Variants in GPC5 observed in about 807,000 individuals in gnomAD.
The protein encoded by GPC5 is glypican-5.
Under a neutral mutation model 53.9 loss-of-function variants are expected in GPC5, and 47 were observed. That is an observed-to-expected ratio of 0.87 (90% CI 0.69 to 1.11). GPC5 has a LOEUF of 1.11. GPC5 is among the 50% of genes most tolerant of loss of function. The pLI, the probability that GPC5 is intolerant of heterozygous loss-of-function variation, is 0.00. For missense variants in GPC5, 748 were observed against 713.1 expected (o/e 1.05, Z -0.56); for synonymous variants, 286 against 263.3 (o/e 1.09, Z -0.84).
chr13:91,401,520 A>T (rs1253252392), intron 1 of GPC5, among the ~76,000 whole-genome samples: 1 of 152,168 alleles, frequency 6.6e-6, no homozygotes, highest in Non-Finnish European at 1.5e-5. Context: ...TAACAAATCT[A>T]TTCATTTAGC....
chr13:92,550,675 T>C (rs1364612932), intron 7 of GPC5, among the ~76,000 whole-genome samples: 1 of 151,894 alleles, frequency 6.6e-6, no homozygotes, highest in African/African-American at 2.4e-5. Context: ...TTGTCAAAAC[T>C]CAGTAAAGGT....
chr13:92,792,052 G>A lies in GPC5; in HGVS notation c.1562-74230G>A, dbSNP rs181112749. ...AGGGCTAGTGATAAGGATGAAGAGT[G>A]ATAAAGAGAAGAATGGGATACTCCT... On this transcript the variant is annotated intron_variant, in intron 7 of 7. Coordinates refer to ENST00000377067, the MANE Select transcript of GPC5 (RefSeq NM_004466.6). Among the ~76,000 whole-genome samples the A allele has an allele frequency of 6.8e-4, 104 of 152,028 alleles. 1 individual carries two copies. The highest frequency in any genetic ancestry group is 2.1e-4 in the Non-Finnish European group (14 of 67,924).
chr13:92,415,819 T>C (rs1876263649), intron 7 of GPC5, among the ~76,000 whole-genome samples: 1 of 152,186 alleles, frequency 6.6e-6, no homozygotes, highest in African/African-American at 2.4e-5. Context: ...TGAACCAATT[T>C]TGAATGCTGA....
At chr13:92,498,562 T>C (rs893199247) in intron 7 of GPC5, among the ~76,000 whole-genome samples, 2 of 152,100 alleles carry the variant, frequency 1.3e-5, no homozygotes, top group Non-Finnish European at 2.9e-5. Context: ...GACCAATTAT[T>C]ATTTTAGAGG....
chr13:92,143,530 AAAG>A, intron 6 of GPC5, among the ~76,000 whole-genome samples: 1 of 152,296 alleles, frequency 6.6e-6, no homozygotes, highest in Non-Finnish European at 1.5e-5. Flanking sequence ...CTTGATCTTG[AAAG>A]AAGACTTCTT....
chr13:91,967,333 A>G (rs1009084521), intron 6 of GPC5, among the ~76,000 whole-genome samples: 13 of 152,306 alleles, frequency 8.5e-5, no homozygotes, highest in African/African-American at 3.1e-4. Context: ...TTGGGTGGTG[A>G]CACAGTTAAA....
intron 7 of GPC5, among the ~76,000 whole-genome samples, chr13:92,326,389 T>G (rs1395485431): frequency 6.6e-6 from 1 of 152,110 alleles, no homozygotes; most frequent in Non-Finnish European, 1.5e-5. Flanking sequence ...TATTGAAATT[T>G]TTCTCAATTT....
At position 91,625,612 on chromosome 13, in the gene GPC5, A is replaced by G. The variant is rs1017618293; in HGVS notation, c.326-67575A>G. On this transcript the variant is annotated intron_variant, in intron 2 of 7. Transcript: ENST00000377067. ...TATGGGTATAATTTAAAATTTACAC[A>G]GCCTTCACAATAAAGTCCTTGAAAC... Among the ~76,000 whole-genome samples, 6 of 152,076 alleles carry G rather than the reference A, an allele frequency of 3.9e-5. No individual in the cohort carries two copies. In the South Asian group the frequency reaches 6.2e-4, roughly 16 times the overall value.
chr13:91,966,824 C>T (rs919685067), intron 6 of GPC5, among the ~76,000 whole-genome samples: 1 of 152,112 alleles, frequency 6.6e-6, no homozygotes, highest in Non-Finnish European at 1.5e-5. Flanking sequence ...AAAGAATGCA[C>T]CTGTGCAGAA....
At chr13:91,555,152 G>T (rs1254970743) in intron 2 of GPC5, among the ~76,000 whole-genome samples, 1 of 151,904 alleles carries the variant, frequency 6.6e-6, no homozygotes, top group Non-Finnish European at 1.5e-5. Flanking sequence ...CCCCCCAGTG[G>T]TAACATTTTA....
chr13:91,889,363 A>G (rs1231905299), intron 5 of GPC5, among the ~76,000 whole-genome samples: 1 of 152,148 alleles, frequency 6.6e-6, no homozygotes, highest in East Asian at 1.9e-4. Context: ...TTGTTCTTAT[A>G]GTTAGTAAAA....
intron 6 of GPC5, among the ~76,000 whole-genome samples, chr13:92,122,979 T>C (rs1189428710): frequency 1.3e-5 from 2 of 152,164 alleles, no homozygotes; most frequent in African/African-American, 4.8e-5. Flanking sequence ...ATCACATTGA[T>C]CCTGCAGAAA....
chr13:91,506,157 C>T (rs981461801), intron 2 of GPC5, among the ~76,000 whole-genome samples: 7 of 152,094 alleles, frequency 4.6e-5, no homozygotes, highest in African/African-American at 1.7e-4. Flanking sequence ...TCAAGGTTTT[C>T]TGATTCCCAA....
chr13:91,653,306 G>A (rs946653045), intron 2 of GPC5, among the ~76,000 whole-genome samples: 1 of 152,040 alleles, frequency 6.6e-6, no homozygotes, highest in Non-Finnish European at 1.5e-5. Context: ...CGCCCCCACA[G>A]CCTTAATTTC....
chr13:92,578,552 A>G (rs1262109959), intron 7 of GPC5, among the ~76,000 whole-genome samples: 9 of 152,274 alleles, frequency 5.9e-5, no homozygotes, highest in Middle Eastern at 6.8e-3. Context: ...GTCTGAGTCC[A>G]AAGGCCTGAG....
At chr13:92,343,075 A>C (rs1266199218) in intron 7 of GPC5, among the ~76,000 whole-genome samples, 1 of 152,208 alleles carries the variant, frequency 6.6e-6, no homozygotes, top group Non-Finnish European at 1.5e-5. Flanking sequence ...TGAGATGTGA[A>C]GTTTGCAACA....
intron 2 of GPC5, among the ~76,000 whole-genome samples, chr13:91,638,291 T>G (rs1335101603): frequency 6.6e-6 from 1 of 152,190 alleles, no homozygotes; most frequent in Admixed American, 6.5e-5. Context: ...AATCTTTGTA[T>G]TTTTCCTTAT....
At chr13:92,766,632 G>A (rs368704115) in intron 7 of GPC5, among the ~76,000 whole-genome samples, 11 of 152,222 alleles carry the variant, frequency 7.2e-5, no homozygotes, top group African/African-American at 2.2e-4. Flanking sequence ...TATCAGATTC[G>A]GTATAAGACA....
chr13:92,113,177 A>T (rs780996340), intron 6 of GPC5, among the ~76,000 whole-genome samples: 1 of 152,120 alleles, frequency 6.6e-6, no homozygotes, highest in Admixed American at 6.5e-5. Context: ...GATACATGAA[A>T]GAAAAGAATT....
Sources: gnomAD v4.1 joint callset for allele counts (sites outside exome capture counted in the v4.1 genomes callset) on GRCh38, gnomAD v4.1.1 for gene constraint, MANE v1.5 for transcripts, NCBI Gene and HGNC (gene_info 2026-07-23, HGNC 2026-07-21) for gene names.